GPC6: variants seen among roughly 807,000 people sequenced by gnomAD.
GPC6 encodes the protein glypican 6.
In GPC6, 14 loss-of-function variants were observed where a neutral mutation model predicts 55.2. The ratio of observed to expected loss-of-function variants is 0.25; its 90% CI spans 0.17 to 0.40. GPC6 has a LOEUF of 0.40. GPC6 is among the 10% of genes least tolerant of loss of function. The probability of loss-of-function intolerance (pLI) is 1.00; values close to 1 mark genes in which losing one functional copy is unlikely to be tolerated. For synonymous variants in GPC6, 278 were observed against 259.6 expected, an observed-to-expected ratio of 1.07 and a Z score of -0.68; for missense variants, 641 against 708.5, an observed-to-expected ratio of 0.90 and a Z score of 1.08.
intron 1 of GPC6, among the ~76,000 whole-genome samples, chr13:93,541,058 G>A (rs1882275790): frequency 6.6e-6 from 1 of 151,594 alleles, no homozygotes; most frequent in African/African-American, 2.4e-5. Context: ...AAGTTTTAGG[G>A]AACATGTGCA....
intron 1 of GPC6, among the ~76,000 whole-genome samples, chr13:93,315,489 C>T (rs1323996): frequency 0.47 from 71,661 of 151,534 alleles, 17,107 homozygotes; most frequent in African/African-American, 0.53. Context: ...ATTATAATTA[C>T]TACCAATGAA....
At chr13:94,388,714 A>G (rs990454425) in intron 7 of GPC6, among the ~76,000 whole-genome samples, 1 of 152,234 alleles carries the variant, frequency 6.6e-6, no homozygotes, top group African/African-American at 2.4e-5. Context: ...CCTGGCTTAT[A>G]GACAATGGCC....
At chr13:94,112,197 CTT>C in intron 4 of GPC6, among the ~76,000 whole-genome samples, 1 of 152,062 alleles carries the variant, frequency 6.6e-6, no homozygotes, top group Admixed American at 6.6e-5. Context: ...ATTAAAATAA[CTT>C]TGGTAAATAA....
intron 1 of GPC6, among the ~76,000 whole-genome samples, chr13:93,434,486 A>G (rs1877490436): frequency 6.6e-6 from 1 of 152,258 alleles, no homozygotes; most frequent in African/African-American, 2.4e-5. Context: ...GACAGAAAAG[A>G]CAATCCTTTA....
At chr13:94,117,866 G>C (rs533486849) in intron 4 of GPC6, among the ~76,000 whole-genome samples, 1 of 152,158 alleles carries the variant, frequency 6.6e-6, no homozygotes, top group African/African-American at 2.4e-5. Context: ...TATAGATTTG[G>C]AGGTTATTGG....
chr13:93,219,090 A>C, the GPC6 span, among the ~76,000 whole-genome samples: 1 of 134,610 alleles, frequency 7.4e-6, no homozygotes, highest in East Asian at 2.1e-4. Flanking sequence ...TTTCTTTCCT[A>C]TTTTTTTTTT....
intron 2 of GPC6, among the ~76,000 whole-genome samples, chr13:93,756,946 C>A (rs1365839786): frequency 6.6e-6 from 1 of 152,096 alleles, no homozygotes; most frequent in Non-Finnish European, 1.5e-5. Context: ...TTCCACAACC[C>A]GTTTAATAGA....
rs116948779 is a variant in GPC6, at chr13:93,861,629, A to G, written c.711+31084A>G. Among the ~76,000 whole-genome samples, 238 of 151,668 alleles carry G rather than the reference A, an allele frequency of 1.6e-3. 2 individuals carry two copies. The East Asian group carries it at 0.017, about 11-fold the overall frequency. The stretch of plus-strand genomic sequence containing the variant: ...TTTACCCTTGAAAGGTTTTGCTTTT[A>G]TTGCAGCTGGTTTACTCTGCGCTGT... On this transcript the variant is annotated intron_variant, in intron 3 of 8. Coordinates refer to ENST00000377047, the MANE Select transcript of GPC6 (RefSeq NM_005708.5).
intron 2 of GPC6, among the ~76,000 whole-genome samples, chr13:93,678,727 A>G (rs1421945618): frequency 6.6e-6 from 1 of 152,166 alleles, no homozygotes; most frequent in African/African-American, 2.4e-5. Context: ...TTTTGACCCA[A>G]TAGTGGTCTC....
intron 4 of GPC6, among the ~76,000 whole-genome samples, chr13:94,259,695 C>G (rs552735917): frequency 1.3e-5 from 2 of 152,294 alleles, no homozygotes; most frequent in East Asian, 3.9e-4. Flanking sequence ...GCAATGGCCA[C>G]TCTATTTCCT....
At chr13:94,086,701 G>C (rs1566386477) in intron 4 of GPC6, among the ~76,000 whole-genome samples, 5 of 151,848 alleles carry the variant, frequency 3.3e-5, no homozygotes, top group Non-Finnish European at 7.4e-5. Flanking sequence ...AGACATGATT[G>C]ATTGTAAATC....
chr13:93,997,581 A>ATGTGTGTGTGTG (rs146601294), intron 3 of GPC6, among the ~76,000 whole-genome samples: 77 of 148,926 alleles, frequency 5.2e-4, no homozygotes, highest in Middle Eastern at 3.4e-3. Flanking sequence ...AAGACATAAT[A>ATGTGTGTGTGTG]TGTGTGTGTG....
intron 2 of GPC6, among the ~76,000 whole-genome samples, chr13:93,596,610 A>AATAAATAT (rs896477759): frequency 2.8e-4 from 37 of 132,868 alleles, no homozygotes; most frequent in African/African-American, 1.1e-3. Flanking sequence ...TAAATAAATA[A>AATAAATAT]ATATATATAT....
At chr13:93,965,940 C>G (rs1042506561) in intron 3 of GPC6, among the ~76,000 whole-genome samples, 13 of 152,136 alleles carry the variant, frequency 8.5e-5, no homozygotes, top group Admixed American at 6.5e-4. Context: ...TCAGATCCAG[C>G]CTGGCCAGCC....
intron 4 of GPC6, among the ~76,000 whole-genome samples, chr13:94,104,144 G>C (rs1002702212): frequency 2.6e-5 from 4 of 152,038 alleles, no homozygotes; most frequent in Non-Finnish European, 5.9e-5. Flanking sequence ...ATAGGGAATT[G>C]TTTCCCCATT....
chr13:93,492,499 T>C (rs1303650255), intron 1 of GPC6, among the ~76,000 whole-genome samples: 1 of 151,078 alleles, frequency 6.6e-6, no homozygotes, highest in Non-Finnish European at 1.5e-5. Context: ...TTTTCCCTAT[T>C]GAATACCCTT....
chr13:93,803,770 A>G (rs573121094), intron 2 of GPC6, among the ~76,000 whole-genome samples: 13 of 152,166 alleles, frequency 8.5e-5, no homozygotes, highest in South Asian at 2.1e-4. Flanking sequence ...TGAAATACTG[A>G]TACATGCTGC....
At chr13:93,384,845 A>G (rs1875331200) in intron 1 of GPC6, among the ~76,000 whole-genome samples, 1 of 152,234 alleles carries the variant, frequency 6.6e-6, no homozygotes, top group South Asian at 2.1e-4. Flanking sequence ...TTCAGCATAC[A>G]TTTTCCTAAA....
At chr13:94,004,302 A>G (rs1034527259) in intron 3 of GPC6, among the ~76,000 whole-genome samples, 1 of 151,956 alleles carries the variant, frequency 6.6e-6, no homozygotes, top group Non-Finnish European at 1.5e-5. Flanking sequence ...AGGAAATTAA[A>G]GAGATAATCA....
Sources: allele counts gnomAD v4.1 joint callset (sites outside exome capture counted in the v4.1 genomes callset), GRCh38; gene constraint gnomAD v4.1.1; transcripts MANE v1.5; gene names NCBI Gene and HGNC (gene_info 2026-07-23, HGNC 2026-07-21).